DMAC2: variants seen among roughly 807,000 people sequenced by gnomAD.
The protein encoded by DMAC2 is distal membrane arm assembly component 2, also known as distal membrane-arm assembly complex protein 2.
Under a neutral mutation model 29.6 loss-of-function variants are expected in DMAC2, and 32 were observed. The observed-to-expected ratio is 1.08, with a 90% CI of 0.81 to 1.45. The LOEUF (loss-of-function observed/expected upper bound fraction) is 1.45. Ranked by LOEUF, DMAC2 falls within the 40% of genes most tolerant of loss-of-function variation. The pLI, the probability that DMAC2 is intolerant of heterozygous loss-of-function variation, is 0.00. For synonymous variants in DMAC2, 133 were observed against 137.4 expected (o/e 0.97, Z 0.23); for missense variants, 319 against 340.0 (o/e 0.94, Z 0.49).
rs1007204864 is a variant in DMAC2 at position 41,433,512 on chromosome 19, C to G, written c.433+25G>C. The G allele has an allele frequency of 8.1e-6, 13 of 1,614,038 alleles. No homozygotes were observed. The African/African-American group carries it at 1.5e-4, about 18-fold the overall frequency. ...CCAAAGGGAAAACATAGAGGCCTGT[C>G]CCATCTCCACCCCACCGCACTCACG... is the stretch of plus-strand genomic sequence containing the variant. On this transcript the variant is annotated intron_variant, in intron 4 of 5. Transcript: ENST00000221943.
rs1240209804 is a variant in DMAC2, at chr19:41,432,460, G to C, written c.597-52C>G. The C allele has an allele frequency of 6.3e-6, 10 of 1,576,018 alleles. No homozygotes were observed. In the Admixed American group the frequency reaches 1.0e-4, roughly 16 times the overall value. On this transcript the variant is annotated intron_variant, in intron 5 of 5. Transcript: ENST00000221943. ...GCCAGTGTAAGGACAGCATGTGTGT[G>C]TGTGTAGGGAGGTACAGGACAGCGT...
rs1555771672 is a variant in DMAC2 at position 41,437,845 on chromosome 19, G to A, written c.215+373C>T. Among the ~76,000 whole-genome samples, 3 of 152,352 alleles carry A rather than the reference G, an allele frequency of 2.0e-5. 1 individual carries two copies. Among genetic ancestry groups the A allele is most frequent in the Admixed American group, 6.5e-5 (1 of 15,308 alleles). On this transcript the variant is annotated intron_variant, in intron 2 of 5. Transcript: ENST00000221943. ...AGTATTTTATTGATGGTCTGGATGT[G>A]GAGGGCAGGGAAGCAAAGAGAGGAA... is the stretch of plus-strand genomic sequence containing the variant.
At position 41,433,559 on chromosome 19, in the gene DMAC2, G is replaced by C. The variant is rs1280086642; in HGVS notation, c.411C>G (p.Asn137Lys). 5 of 1,614,068 alleles carry C rather than the reference G, an allele frequency of 3.1e-6. No individual in the cohort carries two copies. Among genetic ancestry groups the C allele is most frequent in the Non-Finnish European group, 4.2e-6 (5 of 1,180,044 alleles). Residue 137 changes from asparagine to lysine, a missense_variant, in exon 4 of 6, where the codon AAC becomes AAG. Transcript: ENST00000221943. The stretch of plus-strand genomic sequence containing the variant: ...CACGGAGGTTATCCAGGCCCTCGTA[G>C]TTGATGTCACAGTCACCGGCATCCA... ...EAVDAGDCDI[N>K]YEGLDNLLRL...
At chr19:41,439,857 G>A (rs1555772532) in intron 1 of DMAC2, 25 bp downstream of exon 1, 1 of 1,614,118 alleles carries the variant, frequency 6.2e-7, no homozygotes, top group Non-Finnish European at 8.5e-7. Context: ...TCAAATTTGG[G>A]GCTCTAGGAA....
intron 1 of DMAC2, chr19:41,438,946 ATTTT>A (rs11347788): frequency 1.4e-4 from 18 of 127,508 alleles, no homozygotes; most frequent in South Asian, 2.5e-4. Context: ...TATTTTTGTG[ATTTT>A]TTTTTTTTTT....
intron 3 of DMAC2, among the ~76,000 whole-genome samples, chr19:41,434,244 A>C (rs1421646750): frequency 7.3e-5 from 11 of 151,564 alleles, no homozygotes; most frequent in South Asian, 4.2e-4. Context: ...CAAAAAAAAA[A>C]CAAAAAAACA....
In DMAC2 at chr19:41,433,637, A is replaced by T; in HGVS notation, c.333T>A (p.Tyr111Ter). 6.2e-7 allele frequency: 1 copy of T among 1,614,224 alleles called. No homozygotes were observed. Among genetic ancestry groups the T allele is most frequent in the Non-Finnish European group, 8.5e-7 (1 of 1,180,026 alleles). The change falls in exon 4 of 6, where the codon TAT becomes TAA. Residue 111 changes from tyrosine to a stop codon, truncating the protein, a stop_gained. Coordinates refer to ENST00000221943, the MANE Select transcript of DMAC2 (RefSeq NM_018035.3). LOFTEE classifies it high-confidence loss of function. ...RDKEWIRPDK[Y>*]GHFSQEFWNF... Reference sequence around the variant, plus strand: ...TCCAGAACTCCTGAGAGAAATGGCCATACTTATCTGGCCTGATCCACTCCT... The same window carrying T: ...TCCAGAACTCCTGAGAGAAATGGCCTTACTTATCTGGCCTGATCCACTCCT...
chr19:41,432,783 C>CGTGGGT (rs1555769722), intron 5 of DMAC2: 1 of 290,802 alleles, frequency 3.4e-6, no homozygotes, highest in Admixed American at 5.7e-5. Flanking sequence ...GGACAGCGTG[C>CGTGGGT]GTGTGTGTGT....
At chr19:41,438,935 A>AT (rs67143065) in intron 1 of DMAC2, 67,823 of 147,844 alleles carry the variant, frequency 0.46, 15,846 homozygotes, top group African/African-American at 0.57. Context: ...CATTAGGAGG[A>AT]TATTTTTGTG....
At chr19:41,432,617 CA>C in intron 5 of DMAC2, 1 of 405,032 alleles carries the variant, frequency 2.5e-6, no homozygotes, top group Middle Eastern at 7.1e-4. Flanking sequence ...GTAAGGACAG[CA>C]TGTGTGTGTG....
intron 1 of DMAC2, chr19:41,439,313 T>A (rs1199083987): frequency 1.8e-6 from 1 of 551,536 alleles, no homozygotes; most frequent in Non-Finnish European, 3.2e-6. Context: ...CCTAAATTCA[T>A]TCCTTGATTT....
At chr19:41,439,452 A>G (rs1261109223) in intron 1 of DMAC2, 1 of 1,531,208 alleles carries the variant, frequency 6.5e-7, no homozygotes, top group Non-Finnish European at 8.8e-7. Context: ...AAATTCGTCA[A>G]TCTCCCACTA....
rs1555768889 is a variant in DMAC2, at chr19:41,431,841, A to C, written c.*390T>G. On this transcript the variant is annotated 3_prime_UTR_variant, in exon 6 of 6. Coordinates refer to ENST00000221943, the MANE Select transcript of DMAC2 (RefSeq NM_018035.3). Reference sequence around the variant, plus strand: ...GCACAGCGGCCCTGCACGGGGGAGAACCATCCCTGTAAAGTGTCAGTAGTA... The same window carrying C: ...GCACAGCGGCCCTGCACGGGGGAGACCCATCCCTGTAAAGTGTCAGTAGTA... The C allele has an allele frequency of 3.8e-6, 1 of 264,796 alleles. No homozygotes were observed. The highest frequency in any genetic ancestry group is 5.0e-5 in the South Asian group (1 of 20,194). 16.4% of individuals were successfully genotyped at this position (264,796 alleles called of 1,614,324 possible).
Position 41,433,525 on chromosome 19 carries a change from C to T in DMAC2, c.433+12G>A, listed in dbSNP as rs782238718. ...ATAGAGGCCTGTCCCATCTCCACCC[C>T]ACCGCACTCACGGAGGTTATCCAGG... On this transcript the variant is annotated intron_variant, in intron 4 of 5. Transcript: ENST00000221943. 1 of 1,614,210 alleles carries T rather than the reference C, an allele frequency of 6.2e-7. No individual in the cohort carries two copies. Among genetic ancestry groups the T allele is most frequent in the Admixed American group, 1.7e-5 (1 of 60,020 alleles).
At chr19:41,439,240 G>A (rs567779543) in intron 1 of DMAC2, 20 of 405,400 alleles carry the variant, frequency 4.9e-5, no homozygotes, top group African/African-American at 4.0e-4. Flanking sequence ...AAATTATCTC[G>A]ATAATTTTAC....
At chr19:41,432,804 G>GTGTT (rs1261645867) in intron 5 of DMAC2, 2 of 524,826 alleles carry the variant, frequency 3.8e-6, no homozygotes, top group African/African-American at 4.0e-5. Context: ...GTGTGTGTGT[G>GTGTT]TGTGTGTGTG....
intron 2 of DMAC2, 42 bp from the exon 3 acceptor site, chr19:41,436,514 C>A: frequency 5.2e-6 from 8 of 1,544,110 alleles, no homozygotes; most frequent in East Asian, 2.2e-5. Flanking sequence ...CTGGGGAGCA[C>A]CACAGCCCTC....
Position 41,438,504 on chromosome 19 carries a change from T to G in DMAC2, c.19-90A>C, listed in dbSNP as rs968142455. 12 of 1,060,278 alleles carry G rather than the reference T, an allele frequency of 1.1e-5. No individual in the cohort carries two copies. The African/African-American group carries it at 1.8e-4, about 16-fold the overall frequency. 65.7% of individuals were successfully genotyped at this position (1,060,278 alleles called of 1,614,324 possible). A position where few individuals can be genotyped will look rare whatever the true frequency, so the allele number is the denominator to read the frequency against. ...CCAGTTCTTGCTCCATGAACCTCAA[T>G]CCCTCTGCTTCCCAACTCACCCTAA... On this transcript the variant is annotated intron_variant, in intron 1 of 5. Transcript: ENST00000221943.
chr19:41,436,544 AAG>A (rs113063959), intron 2 of DMAC2, 72 bp from the exon 3 acceptor site: 2 of 1,229,344 alleles, frequency 1.6e-6, no homozygotes, highest in African/African-American at 3.0e-5. Flanking sequence ...CAGTGCTGTT[AAG>A]AGGGGCAGAG....
Sources: gnomAD v4.1 joint callset for allele counts (sites outside exome capture counted in the v4.1 genomes callset) on GRCh38, gnomAD v4.1.1 for gene constraint, MANE v1.5 for transcripts, NCBI Gene and HGNC (gene_info 2026-07-23, HGNC 2026-07-21) for gene names.